SNRPN: variants seen among roughly 807,000 people sequenced by gnomAD.
The protein encoded by SNRPN is small nuclear ribonucleoprotein-associated protein N.
In SNRPN, 7 loss-of-function variants were observed where a neutral mutation model predicts 25.2. That is an observed-to-expected ratio of 0.28 (90% CI 0.16 to 0.52). SNRPN has a LOEUF of 0.52. Ranked by LOEUF, SNRPN falls within the 20% of genes least tolerant of loss-of-function variation. SNRPN has a pLI of 0.96. For missense variants in SNRPN, 196 were observed against 322.5 expected (o/e 0.61, Z 3.00); for synonymous variants, 124 against 110.6 (o/e 1.12, Z -0.76).
chr15:24,880,552 T>G (rs1346854089), intron 1 of SNRPN, among the ~76,000 whole-genome samples: 1 of 152,310 alleles, frequency 6.6e-6, no homozygotes, highest in East Asian at 1.9e-4. Context: ...CCATACATTT[T>G]ATCCAAGTTT....
chr15:24,904,924 C>A (rs1405121656), intron 2 of SNRPN, among the ~76,000 whole-genome samples: 1 of 125,762 alleles, frequency 8.0e-6, no homozygotes, highest in Non-Finnish European at 1.6e-5. Context: ...GCCTGGGCAA[C>A]AGGGCAAGAC....
chr15:24,862,480 G>A (rs74363826), intron 1 of SNRPN, among the ~76,000 whole-genome samples: 2,859 of 150,898 alleles, frequency 0.019, 71 homozygotes, highest in Non-Finnish European at 0.032. Context: ...AAAGAGAGAT[G>A]GAGTGTCTAG....
intron 2 of SNRPN, chr15:24,909,342 C>G: frequency 6.2e-7 from 1 of 1,602,768 alleles, no homozygotes; most frequent in Non-Finnish European, 8.5e-7. Context: ...TTCAGGGCAC[C>G]AAAAACTTTA....
chr15:24,935,798 C>T (rs539512426), intron 3 of SNRPN, among the ~76,000 whole-genome samples: 54 of 152,164 alleles, frequency 3.5e-4, no homozygotes, highest in African/African-American at 1.3e-3. Flanking sequence ...TATGGGTGCT[C>T]ACTCTTTGGG....
At chr15:24,951,960 A>G (rs1002520210), upstream of SNRPN, among the ~76,000 whole-genome samples, 3 of 152,064 alleles carry the variant, frequency 2.0e-5, no homozygotes, top group African/African-American at 7.2e-5. Flanking sequence ...AGTTCAGTTT[A>G]TTTATTATTT....
At chr15:24,896,193 C>T (rs990109533) in intron 2 of SNRPN, among the ~76,000 whole-genome samples, 1 of 152,086 alleles carries the variant, frequency 6.6e-6, no homozygotes, top group Non-Finnish European at 1.5e-5. Context: ...TATGATGTGG[C>T]CCTGAGGTAC....
intron 1 of SNRPN, among the ~76,000 whole-genome samples, chr15:24,957,568 A>G (rs894418479): frequency 2.0e-5 from 3 of 152,028 alleles, no homozygotes; most frequent in African/African-American, 7.3e-5. Flanking sequence ...CCTTTTCTGT[A>G]TTTACATTTT....
chr15:24,903,682 C>T (rs61999136), intron 2 of SNRPN, among the ~76,000 whole-genome samples: 61,400 of 152,014 alleles, frequency 0.4, 12,510 homozygotes, highest in South Asian at 0.43. Flanking sequence ...TTGGTATAAG[C>T]AGCTGCTAGG....
At chr15:24,953,642 C>A (rs1232724750), upstream of SNRPN, among the ~76,000 whole-genome samples, 1 of 152,164 alleles carries the variant, frequency 6.6e-6, no homozygotes, top group Non-Finnish European at 1.5e-5. Context: ...TTTCGATTGA[C>A]TCCCGTGATC....
chr15:24,962,715 T>C (rs1326866401), intron 2 of SNRPN, among the ~76,000 whole-genome samples: 1 of 152,200 alleles, frequency 6.6e-6, no homozygotes, highest in Non-Finnish European at 1.5e-5. Flanking sequence ...CTCAGACACA[T>C]ATTTTAATTT....
At chr15:24,951,514 T>C (rs938110061), upstream of SNRPN, among the ~76,000 whole-genome samples, 1 of 119,482 alleles carries the variant, frequency 8.4e-6, no homozygotes, top group Non-Finnish European at 1.8e-5. Flanking sequence ...ATAGTAACAC[T>C]TTTTTTTTTT....
At chr15:24,876,082 T>G (rs974630492) in intron 1 of SNRPN, among the ~76,000 whole-genome samples, 3 of 150,788 alleles carry the variant, frequency 2.0e-5, no homozygotes, top group South Asian at 2.1e-4. Flanking sequence ...ACAAAAAAAA[T>G]AAAAATTTTA....
chr15:24,836,300 A>G (rs1183393320), intron 2 of SNRPN, among the ~76,000 whole-genome samples: 1 of 152,108 alleles, frequency 6.6e-6, no homozygotes, highest in African/African-American at 2.4e-5. Flanking sequence ...ATTCTGAGAC[A>G]CTGGGGGTGA....
chr15:24,912,950 AT>A (rs1378089094), intron 2 of SNRPN, among the ~76,000 whole-genome samples: 1 of 152,014 alleles, frequency 6.6e-6, no homozygotes, highest in African/African-American at 2.4e-5. Flanking sequence ...TTATTTATTT[AT>A]TTTTTTGAGA....
At position 24,918,550 on chromosome 15, in the gene SNRPN, G is replaced by GTATATATAACATAATATATATGTA. The variant is rs1449473102; in HGVS notation, c.-504-1413_-504-1390dup. On this transcript the variant is annotated intron_variant, in intron 2 of 11. Transcript: ENST00000400097. ...TATATATAACATAATATATATGTGT[G>GTATATATAACATAATATATATGTA]TATATATAACATAATATATATGTAT... is the stretch of plus-strand genomic sequence containing the variant. 2.1e-3 allele frequency among the ~76,000 whole-genome samples: 225 copies of GTATATATAACATAATATATATGTA among 105,418 alleles called. 11 individuals carry two copies. The highest frequency in any genetic ancestry group is 3.0e-3 in the Non-Finnish European group (163 of 53,934). 69.2% of individuals were successfully genotyped at this position (105,418 alleles called of 152,430 possible).
intron 1 of SNRPN, among the ~76,000 whole-genome samples, chr15:24,879,865 A>G (rs2056408981): frequency 6.6e-6 from 1 of 152,006 alleles, no homozygotes; most frequent in Non-Finnish European, 1.5e-5. Context: ...CCTATCACCC[A>G]CTGTTCTGTC....
intron 3 of SNRPN, among the ~76,000 whole-genome samples, chr15:24,934,409 A>C (rs1271690779): frequency 6.6e-6 from 1 of 152,166 alleles, no homozygotes; most frequent in East Asian, 1.9e-4. Context: ...GAATACACTC[A>C]TGCCCACTTG....
chr15:24,954,911 G>C, upstream of SNRPN: 2 of 1,288,994 alleles, frequency 1.6e-6, no homozygotes, highest in South Asian at 2.5e-5. Context: ...ACGCCTGCGC[G>C]GCCGCAGAGG....
At chr15:24,878,674 A>G (rs541973880) in intron 1 of SNRPN, among the ~76,000 whole-genome samples, 2 of 152,190 alleles carry the variant, frequency 1.3e-5, no homozygotes, top group South Asian at 4.1e-4. Flanking sequence ...GTATTTCTGT[A>G]ACAGCCCCTC....
Sources: allele counts gnomAD v4.1 joint callset (sites outside exome capture counted in the v4.1 genomes callset), GRCh38; gene constraint gnomAD v4.1.1; transcripts MANE v1.5; gene names NCBI Gene and HGNC (gene_info 2026-07-23, HGNC 2026-07-21).